The following HIVEP2 variants were observed in gnomAD, a reference collection of about 807,000 sequenced individuals.
HIVEP2 encodes HIVEP zinc finger 2, also known as transcription factor HIVEP2.
In HIVEP2, 14 loss-of-function variants were observed where a neutral mutation model predicts 180.7. The observed-to-expected ratio is 0.08, with a 90% confidence interval of 0.05 to 0.12. The LOEUF (loss-of-function observed/expected upper bound fraction) is 0.12, where lower values mean the gene tolerates loss of function less well. Among genes scored for constraint, HIVEP2 ranks in the 10% least tolerant of loss-of-function variants. HIVEP2 has a pLI of 1.00. For synonymous variants in HIVEP2, 1,184 were observed against 1,136.4 expected, an observed-to-expected ratio of 1.04 and a Z score of -0.84; for missense variants, 2,579 against 3,008.5, an observed-to-expected ratio of 0.86 and a Z score of 3.34.
intron 6 of HIVEP2, among the ~76,000 whole-genome samples, chr6:142,766,845 T>C (rs1192811737): frequency 6.6e-6 from 1 of 152,198 alleles, no homozygotes. Flanking sequence ...TTAGACAATA[T>C]ACACTTACAA....
Position 142,819,253 on chromosome 6 carries a change from A to G in HIVEP2, c.-528+17682T>C, listed in dbSNP as rs375342378. On this transcript the variant is annotated intron_variant, in intron 2 of 9. Coordinates refer to ENST00000367603, the MANE Select transcript of HIVEP2 (RefSeq NM_006734.4). ...TTTTAAAAAAAGAAAAAAGGGGAAA[A>G]AAAGAAAAATGCTTGGGGTTCAAGG... Among the ~76,000 whole-genome samples, 5 of 152,232 alleles carry G rather than the reference A, an allele frequency of 3.3e-5. 1 individual carries two copies. Among genetic ancestry groups the G allele is most frequent in the African/African-American group, 1.2e-4 (5 of 41,540 alleles).
chr6:142,841,472 G>A (rs993556987), intron 1 of HIVEP2, among the ~76,000 whole-genome samples: 13 of 151,934 alleles, frequency 8.6e-5, no homozygotes, highest in African/African-American at 2.7e-4. Context: ...TTTAATTACT[G>A]TTGTTTCGTA....
intron 1 of HIVEP2, among the ~76,000 whole-genome samples, chr6:142,914,200 T>G (rs528412909): frequency 6.6e-6 from 1 of 152,214 alleles, no homozygotes; most frequent in African/African-American, 2.4e-5. Context: ...GCCATCAAAT[T>G]TAAGTGGTCT....
rs1582939776 is a variant in HIVEP2 at position 142,883,847 on chromosome 6, C to G, written c.-640-46800G>C. 9.9e-5 allele frequency among the ~76,000 whole-genome samples: 15 copies of G among 152,266 alleles called. No individual in the cohort carries two copies. The South Asian group carries it at 2.9e-3, about 29-fold the overall frequency. On this transcript the variant is annotated intron_variant, in intron 1 of 9. Coordinates refer to ENST00000367603, the MANE Select transcript of HIVEP2 (RefSeq NM_006734.4). Reference sequence around the variant, plus strand: ...AAACTCACAGAGCTCTGAGCTTTATCTTTTGCAAATTTCAAATTATAAATT... The same window carrying G: ...AAACTCACAGAGCTCTGAGCTTTATGTTTTGCAAATTTCAAATTATAAATT...
intron 1 of HIVEP2, among the ~76,000 whole-genome samples, chr6:142,856,172 C>T (rs754660894): frequency 2.0e-5 from 3 of 151,552 alleles, no homozygotes; most frequent in East Asian, 1.9e-4. Flanking sequence ...GTAACTGCAT[C>T]GCTTTTCACT....
intron 1 of HIVEP2, among the ~76,000 whole-genome samples, chr6:142,928,139 C>A (rs1192528706): frequency 6.6e-6 from 1 of 152,190 alleles, no homozygotes; most frequent in Admixed American, 6.5e-5. Context: ...ACCACTCTAG[C>A]GCAAGACTTC....
intron 1 of HIVEP2, among the ~76,000 whole-genome samples, chr6:142,911,720 CAT>C (rs1445020812): frequency 1.3e-5 from 2 of 152,144 alleles, no homozygotes; most frequent in African/African-American, 4.8e-5. Flanking sequence ...CATTCAAAAA[CAT>C]ATTTCTCCCT....
At chr6:142,802,199 A>G (rs544650794) in intron 2 of HIVEP2, among the ~76,000 whole-genome samples, 1 of 152,318 alleles carries the variant, frequency 6.6e-6, no homozygotes, top group African/African-American at 2.4e-5. Context: ...ACCATCTGCA[A>G]CAAGGATTCA....
chr6:142,851,360 G>C (rs898411318), intron 1 of HIVEP2, among the ~76,000 whole-genome samples: 1 of 152,182 alleles, frequency 6.6e-6, no homozygotes, highest in South Asian at 2.1e-4. Context: ...TGGCAAACTA[G>C]ACTCTTTAGG....
intron 2 of HIVEP2, among the ~76,000 whole-genome samples, chr6:142,818,448 G>T (rs1267198216): frequency 6.6e-6 from 1 of 151,828 alleles, no homozygotes; most frequent in African/African-American, 2.4e-5. Flanking sequence ...AGGCCAAAGC[G>T]GGTGGATCAC....
At position 142,808,367 on chromosome 6, in the gene HIVEP2, G is replaced by T. The variant is rs187059100; in HGVS notation, c.-527-24752C>A. ...GGGATGAAGGAAGGGACGGATGGAA[G>T]AGATAGAGGCAGGGATGGATGGAAG... On this transcript the variant is annotated intron_variant, in intron 2 of 9. Coordinates refer to ENST00000367603, the MANE Select transcript of HIVEP2 (RefSeq NM_006734.4). Among the ~76,000 whole-genome samples, 306 of 152,004 alleles carry T rather than the reference G, an allele frequency of 2.0e-3. 2 individuals carry two copies. Among genetic ancestry groups the T allele is most frequent in the African/African-American group, 5.7e-3 (237 of 41,456 alleles).
Position 142,771,356 on chromosome 6 carries a change from G to A in HIVEP2, c.3383C>T (p.Pro1128Leu), listed in dbSNP as rs201295344. ...CCCTGGGTCCTCTTGCTGAAGAGGA[G>A]GCAGCACAGCAGGCGGGCCATGGTG... The part of the protein sequence containing the change: ...GWHHGPPAVL[P>L]PLQQEDPGKQ... Residue 1128 changes from proline (P) to leucine (L), a missense_variant, in exon 5 of 10, where the codon CCT becomes CTT. Pro to Leu is a moderately conservative substitution (Grantham distance 98). This residue lies in a region of HIVEP2 where 523 missense variants were observed against 577.0 expected (regional missense o/e 0.91). Coordinates refer to ENST00000367603, the MANE Select transcript of HIVEP2 (RefSeq NM_006734.4). This position sits in a 1 kb window ranked among gnomAD's most constrained non-coding sequence, Gnocchi z 5.4. 2.8e-5 allele frequency: 45 copies of A among 1,613,014 alleles called. No individual in the cohort carries two copies. In the Middle Eastern group the frequency reaches 4.9e-4, roughly 18 times the overall value.
At chr6:142,878,397 G>C (rs1040602280) in intron 1 of HIVEP2, among the ~76,000 whole-genome samples, 5 of 152,112 alleles carry the variant, frequency 3.3e-5, no homozygotes, top group Non-Finnish European at 7.4e-5. Flanking sequence ...CATCCATTAA[G>C]ATAACAACTG....
chr6:142,786,154 T>C (rs1482900541), intron 2 of HIVEP2, among the ~76,000 whole-genome samples: 5 of 152,222 alleles, frequency 3.3e-5, no homozygotes, highest in Non-Finnish European at 7.3e-5. Context: ...GAAAATCCTT[T>C]CATCAAACAG....
intron 2 of HIVEP2, among the ~76,000 whole-genome samples, chr6:142,798,586 G>T (rs947192211): frequency 3.3e-5 from 5 of 152,086 alleles, no homozygotes; most frequent in African/African-American, 1.2e-4. Context: ...ACAGTGTTTC[G>T]CCTGGGTTGC....
chr6:142,833,133 T>C (rs996259217), intron 2 of HIVEP2, among the ~76,000 whole-genome samples: 3 of 152,206 alleles, frequency 2.0e-5, no homozygotes, highest in African/African-American at 4.8e-5. Flanking sequence ...TCTGGTTCTA[T>C]GACTCACTAG....
chr6:142,909,302 T>C (rs1246878819), intron 1 of HIVEP2, among the ~76,000 whole-genome samples: 1 of 152,190 alleles, frequency 6.6e-6, no homozygotes, highest in Non-Finnish European at 1.5e-5. Flanking sequence ...CAAAAATCTA[T>C]CTGAACATTT....
chr6:142,915,966 C>G (rs1387274974), intron 1 of HIVEP2, among the ~76,000 whole-genome samples: 1 of 152,202 alleles, frequency 6.6e-6, no homozygotes, highest in African/African-American at 2.4e-5. Context: ...AGCCCCATCC[C>G]AATAAATTGT....
chr6:142,862,379 G>T (rs4349826), intron 1 of HIVEP2, among the ~76,000 whole-genome samples: 25,363 of 146,154 alleles, frequency 0.17, 2,514 homozygotes, highest in South Asian at 0.22. Context: ...ACATATAATC[G>T]ATTACATGTA....
Sources: allele counts gnomAD v4.1 joint callset (sites outside exome capture counted in the v4.1 genomes callset), GRCh38; gene constraint gnomAD v4.1.1; regional missense constraint gnomAD v4.1.1; non-coding constraint Gnocchi (gnomAD v3.1); transcripts MANE v1.5; gene names NCBI Gene and HGNC (gene_info 2026-07-23, HGNC 2026-07-21).